The following KMO variants were observed in gnomAD, a reference collection of about 807,000 sequenced individuals.
KMO encodes the protein kynurenine 3-hydroxylase.
KMO carries 24 observed loss-of-function variants against 57.8 expected under a neutral mutation model. The observed-to-expected ratio is 0.42, with a 90% confidence interval of 0.30 to 0.58. The LOEUF (loss-of-function observed/expected upper bound fraction) is 0.58, where lower values mean the gene tolerates loss of function less well. Among genes scored for constraint, KMO ranks in the 20% least tolerant of loss-of-function variants. The probability of loss-of-function intolerance (pLI) is 0.22; values close to 1 mark genes in which losing one functional copy is unlikely to be tolerated. For missense variants in KMO, 483 were observed against 588.2 expected (o/e 0.82, Z 1.85); for synonymous variants, 210 against 193.6 (o/e 1.08, Z -0.70).
In KMO at chr1:241,586,696, G is replaced by T; in HGVS notation, c.975G>T (p.Leu325Phe). The T allele has an allele frequency of 6.2e-7, 1 of 1,601,448 alleles. No homozygotes were observed. Among genetic ancestry groups the T allele is most frequent in the South Asian group, 1.1e-5 (1 of 88,102 alleles). Residue 325 changes from leucine (L) to phenylalanine (F), a missense_variant, in exon 11 of 15, where the codon TTG becomes TTT. Coordinates refer to ENST00000366559, the MANE Select transcript of KMO (RefSeq NM_003679.5). ...TGTTTCAGGGCTTTGAAGACTGCTT[G>T]GTATTTGATGAGTTAATGGATAAAT... ...QGMNAGFEDCLVFDELMDKFS... is the reference protein window; with the variant it reads ...QGMNAGFEDCFVFDELMDKFS...
intron 1 of KMO, among the ~76,000 whole-genome samples, chr1:241,545,970 T>C (rs903188221): frequency 2.6e-5 from 4 of 152,052 alleles, no homozygotes; most frequent in African/African-American, 4.8e-5. Context: ...ATGATCAGAT[T>C]TGTATATTTT....
intron 10 of KMO, among the ~76,000 whole-genome samples, chr1:241,573,136 T>C (rs1662367833): frequency 6.6e-6 from 1 of 152,062 alleles, no homozygotes; most frequent in Admixed American, 6.6e-5. Flanking sequence ...GTATTGTTTG[T>C]ATTTTTGTAC....
chr1:241,591,110 T>C (rs187716773), intron 14 of KMO, among the ~76,000 whole-genome samples: 53 of 152,234 alleles, frequency 3.5e-4, no homozygotes, highest in Non-Finnish European at 6.5e-4. Flanking sequence ...TCAAGGTTTA[T>C]CTGTGCAAGA....
At position 241,594,609 on chromosome 1, in the gene KMO, C is replaced by T; in HGVS notation, c.*2456C>T. The T allele has an allele frequency of 1.2e-6, 2 of 1,614,122 alleles. No homozygotes were observed. Among genetic ancestry groups the T allele is most frequent in the Middle Eastern group, 1.7e-4 (1 of 6,060 alleles). On this transcript the variant is annotated 3_prime_UTR_variant, in exon 15 of 15. Transcript: ENST00000366559. ...CACAATGGGTCTGATCTGCATTTCACTTCCAGCTGCTGGTAGGTCTTTAGC... is the reference window on the plus strand; with the variant it reads ...CACAATGGGTCTGATCTGCATTTCATTTCCAGCTGCTGGTAGGTCTTTAGC...
chr1:241,546,860 G>A (rs77742045), intron 1 of KMO, among the ~76,000 whole-genome samples: 14,374 of 152,162 alleles, frequency 0.094, 1,079 homozygotes, highest in East Asian at 0.26. Flanking sequence ...ACATCATCAT[G>A]GATGGAGAAG....
At chr1:241,560,529 G>T in intron 5 of KMO, 136 bp from the exon 6 acceptor site, 1 of 643,952 alleles carries the variant, frequency 1.6e-6, no homozygotes, top group South Asian at 1.9e-5. Flanking sequence ...TACCATTTAA[G>T]TGAACTTATT....
rs1662134226 is a variant in KMO, at chr1:241,567,675, AC to A, written c.810-822del. Among the ~76,000 whole-genome samples, 4 of 152,334 alleles carry A rather than the reference AC, an allele frequency of 2.6e-5. No homozygotes were observed. In the South Asian group the frequency reaches 8.3e-4, roughly 32 times the overall value. On this transcript the variant is annotated intron_variant, in intron 9 of 14. Coordinates refer to ENST00000366559, the MANE Select transcript of KMO (RefSeq NM_003679.5). ...ATGAGCTAATTATGTAAAAGGGATAACCCACTGCTGGCCCATAGCAGGTCTT... is the reference window on the plus strand; with the variant it reads ...ATGAGCTAATTATGTAAAAGGGATAACCACTGCTGGCCCATAGCAGGTCTT...
At chr1:241,575,965 G>T (rs1432142172) in intron 10 of KMO, among the ~76,000 whole-genome samples, 2 of 150,598 alleles carry the variant, frequency 1.3e-5, no homozygotes, top group African/African-American at 2.4e-5. Flanking sequence ...ATAAGTTTAG[G>T]ATTGTAATAT....
chr1:241,556,990 T>G (rs991333153), intron 5 of KMO, among the ~76,000 whole-genome samples: 1 of 152,026 alleles, frequency 6.6e-6, no homozygotes, highest in Admixed American at 6.6e-5. Context: ...TTCAAGGCAT[T>G]TCCATAATCT....
chr1:241,594,787 T>G lies in KMO; in HGVS notation c.*2634T>G, dbSNP rs1448847497. 6.9e-7 allele frequency: 1 copy of G among 1,457,592 alleles called. No homozygotes were observed. Among genetic ancestry groups the G allele is most frequent in the Non-Finnish European group, 9.3e-7 (1 of 1,076,030 alleles). 90.3% of individuals were successfully genotyped at this position (1,457,592 alleles called of 1,614,324 possible). A position where few individuals can be genotyped will look rare whatever the true frequency, so the allele number is the denominator to read the frequency against. On this transcript the variant is annotated 3_prime_UTR_variant, in exon 15 of 15. Coordinates refer to ENST00000366559, the MANE Select transcript of KMO (RefSeq NM_003679.5). ...AATCAGTTGAGCTGAATTTAAGTTG[T>G]TTTTTGTTTGTTAGCAGGTGTGGAT...
chr1:241,542,092 C>T (rs1660979140), intron 1 of KMO, among the ~76,000 whole-genome samples: 1 of 151,910 alleles, frequency 6.6e-6, no homozygotes, highest in Non-Finnish European at 1.5e-5. Context: ...CAGTTTTTCC[C>T]TTTCCTTCTT....
In KMO at chr1:241,594,567, C is replaced by G; in HGVS notation, c.*2414C>G. On this transcript the variant is annotated 3_prime_UTR_variant, in exon 15 of 15. Coordinates refer to ENST00000366559, the MANE Select transcript of KMO (RefSeq NM_003679.5). Reference sequence around the variant, plus strand: ...AGTCACTTTTTTCTTTGGCCTGTCCCCATCTTTCTGTGACATCACAATGGG... The same window carrying G: ...AGTCACTTTTTTCTTTGGCCTGTCCGCATCTTTCTGTGACATCACAATGGG... The G allele has an allele frequency of 6.2e-7, 1 of 1,614,112 alleles. No individual in the cohort carries two copies. Among genetic ancestry groups the G allele is most frequent in the African/African-American group, 1.3e-5 (1 of 75,036 alleles).
At chr1:241,581,345 A>T (rs1245863744) in intron 10 of KMO, among the ~76,000 whole-genome samples, 1 of 152,100 alleles carries the variant, frequency 6.6e-6, no homozygotes, top group Non-Finnish European at 1.5e-5. Context: ...AATGATAGGT[A>T]TGGACTTACT....
chr1:241,585,589 C>A (rs1008864068), intron 10 of KMO, among the ~76,000 whole-genome samples: 2 of 151,992 alleles, frequency 1.3e-5, no homozygotes, highest in Non-Finnish European at 2.9e-5. Context: ...GAAATGCCAT[C>A]TCTATAAAAA....
At position 241,543,609 on chromosome 1, in the gene KMO, T is replaced by C. The variant is rs570054445; in HGVS notation, c.55-5220T>C. On this transcript the variant is annotated intron_variant, in intron 1 of 14. Transcript: ENST00000366559. ...TGGCACATGTCACCCAATATACATA[T>C]AGCAAAAGTTTCTCCTGTGTATATG... 1.4e-4 allele frequency among the ~76,000 whole-genome samples: 22 copies of C among 152,280 alleles called. No homozygotes were observed. The South Asian group carries it at 4.1e-3, about 29-fold the overall frequency.
intron 4 of KMO, among the ~76,000 whole-genome samples, chr1:241,555,169 A>C (rs1421925168): frequency 6.6e-6 from 1 of 152,188 alleles, no homozygotes; most frequent in Non-Finnish European, 1.5e-5. Flanking sequence ...GTGCACACAC[A>C]CACACTTTTT....
chr1:241,586,771 T>G, intron 11 of KMO, 35 bp downstream of exon 11: 1 of 1,475,762 alleles, frequency 6.8e-7, no homozygotes, highest in Non-Finnish European at 9.3e-7. Flanking sequence ...GGACATGTAC[T>G]AGCTCTTCTG....
chr1:241,540,560 T>C (rs1402129456), intron 1 of KMO, among the ~76,000 whole-genome samples: 1 of 152,034 alleles, frequency 6.6e-6, no homozygotes, highest in African/African-American at 2.4e-5. Flanking sequence ...AGAAAACATA[T>C]AGTAAATTTA....
At position 241,588,779 on chromosome 1, in the gene KMO, A is replaced by C; in HGVS notation, c.1047A>C (p.Arg349Ser). 1 of 1,613,510 alleles carries C rather than the reference A, an allele frequency of 6.2e-7. No individual in the cohort carries two copies. Among genetic ancestry groups the C allele is most frequent in the Non-Finnish European group, 8.5e-7 (1 of 1,179,624 alleles). ...GTCTTCCTGTGTTCTCAAGATTGAG[A>C]ATCCCAGATGATCACGCGATTTCAG... ...SLCLPVFSRL[R>S]IPDDHAISDL... is the part of the protein sequence containing the mutation. The change falls in exon 12 of 15, where the codon AGA becomes AGC. Residue 349 changes from arginine to serine, a missense_variant. Around this residue, in one of 3 missense-constraint regions of KMO, gnomAD observed 410 missense variants for 492.3 expected, o/e 0.83. Transcript: ENST00000366559.
Sources: allele counts gnomAD v4.1 joint callset (sites outside exome capture counted in the v4.1 genomes callset), GRCh38; gene constraint gnomAD v4.1.1; regional missense constraint gnomAD v4.1.1; transcripts MANE v1.5; gene names NCBI Gene and HGNC (gene_info 2026-07-23, HGNC 2026-07-21).